ATRX: variants seen among roughly 807,000 people sequenced by gnomAD.
ATRX encodes ATRX chromatin remodeler.
In ATRX, 12 loss-of-function variants were observed where a neutral mutation model predicts 172.6. The ratio of observed to expected loss-of-function variants is 0.07; its 90% CI spans 0.04 to 0.11. The LOEUF (loss-of-function observed/expected upper bound fraction) is 0.11, where lower values mean the gene tolerates loss of function less well. ATRX is among the 10% of genes least tolerant of loss of function. The pLI is 1.00. For missense variants in ATRX, 1,368 were observed against 1,767.4 expected (o/e 0.77, Z 4.05); for synonymous variants, 674 against 594.7 (o/e 1.13, Z -1.94).
At chrX:77,746,961 C>T (rs781844699) in intron 1 of ATRX, among the ~76,000 whole-genome samples, 18 of 109,707 alleles carry the variant, frequency 1.6e-4, no homozygotes, top group Non-Finnish European at 2.7e-4. Context: ...CCACCACGCC[C>T]GGCTAATTTT....
intron 14 of ATRX, 113 bp downstream of exon 14, chrX:77,653,985 T>C (rs2069413394): frequency 3.4e-6 from 2 of 595,966 alleles, no homozygotes; most frequent in East Asian, 6.8e-5. Context: ...AAGTGTAAAA[T>C]GTAAATAAGC....
At position 77,504,886 on chromosome X, in the gene ATRX, G is replaced by C. The variant is rs782656072; in HGVS notation, c.*3465C>G. 8 of 136,884 alleles carry C rather than the reference G, an allele frequency of 5.8e-5. No homozygotes were observed. The highest frequency in any genetic ancestry group is 3.2e-5 in the African/African-American group (1 of 31,357). The allele number at this position is 136,884 out of a possible 1,213,427, so 11.3% of individuals were successfully genotyped here. On this transcript the variant is annotated 3_prime_UTR_variant, in exon 35 of 35. Coordinates refer to ENST00000373344, the MANE Select transcript of ATRX (RefSeq NM_000489.6). ...TGAGCTTTGACACAGTATATATTTC[G>C]GATTTAAAACTTTATTCACCCCATA... is the stretch of plus-strand genomic sequence containing the variant.
chrX:77,642,782 C>T (rs984514830), intron 15 of ATRX, among the ~76,000 whole-genome samples: 1 of 111,742 alleles, frequency 8.9e-6, no homozygotes, highest in Non-Finnish European at 1.9e-5. Context: ...CCAACTTTGT[C>T]AGAGCTCTGG....
At chrX:77,631,678 C>T in intron 19 of ATRX, among the ~76,000 whole-genome samples, 1 of 112,119 alleles carries the variant, frequency 8.9e-6, no homozygotes. Flanking sequence ...TACAGGATAT[C>T]TACCTGGACG....
At chrX:77,537,965 A>G (rs1343482225) in intron 30 of ATRX, among the ~76,000 whole-genome samples, 1 of 111,358 alleles carries the variant, frequency 9.0e-6, no homozygotes, top group African/African-American at 3.3e-5. Context: ...GTTCTCACTT[A>G]TAAGTGGGAG....
chrX:77,551,680 C>A (rs947227752), intron 30 of ATRX, among the ~76,000 whole-genome samples: 150 of 111,927 alleles, frequency 1.3e-3, no homozygotes, highest in South Asian at 3.7e-3. Flanking sequence ...AGTGAATGGG[C>A]AACCTATAGA....
chrX:77,743,384 T>C (rs2074952989), intron 1 of ATRX, among the ~76,000 whole-genome samples: 1 of 110,944 alleles, frequency 9.0e-6, no homozygotes, highest in South Asian at 3.8e-4. Flanking sequence ...CCACCCCGCC[T>C]ATCATGACAT....
At position 77,653,915 on chromosome X, in the gene ATRX, A is replaced by C. The variant is rs782423073; in HGVS notation, c.4317+183T>G. 3.6e-5 allele frequency among the ~76,000 whole-genome samples: 4 copies of C among 112,053 alleles called. No homozygotes were observed. In the South Asian group the frequency reaches 1.5e-3, roughly 41 times the overall value. ...TCCATTAGAAATTAAGGAATAGAAA[A>C]AAATGATAATGTCAAATCAATACTT... is the stretch of plus-strand genomic sequence containing the variant. On this transcript the variant is annotated intron_variant, in intron 14 of 34. Coordinates refer to ENST00000373344, the MANE Select transcript of ATRX (RefSeq NM_000489.6).
chrX:77,547,675 A>C (rs782084431), intron 30 of ATRX, among the ~76,000 whole-genome samples: 1 of 111,651 alleles, frequency 9.0e-6, no homozygotes, highest in Non-Finnish European at 1.9e-5. Flanking sequence ...ACCCCTTTCA[A>C]TGTTCTTTGT....
chrX:77,779,091 ATTT>A lies in ATRX; in HGVS notation c.20+6888_20+6890del, dbSNP rs1169146207. Among the ~76,000 whole-genome samples the A allele has an allele frequency of 5.2e-3, 327 of 62,711 alleles. 1 individual carries two copies. The highest frequency in any genetic ancestry group is 0.017 in the African/African-American group (268 of 15,474). 54.5% of individuals were successfully genotyped at this position (62,711 alleles called of 115,157 possible). On this transcript the variant is annotated intron_variant, in intron 1 of 34. Transcript: ENST00000373344. ...TACAGGCGCCCGCCACCATGCCCGG[ATTT>A]TTTTTTTTTTTTTTTTTTTTTTGTA...
At chrX:77,719,838 A>C (rs781967049) in intron 1 of ATRX, among the ~76,000 whole-genome samples, 2 of 111,696 alleles carry the variant, frequency 1.8e-5, no homozygotes, top group Non-Finnish European at 3.8e-5. Flanking sequence ...CAGACCTAAC[A>C]GACATCTACA....
chrX:77,707,529 A>C (rs2072897660), intron 2 of ATRX, among the ~76,000 whole-genome samples: 1 of 111,816 alleles, frequency 8.9e-6, no homozygotes, highest in Non-Finnish European at 1.9e-5. Flanking sequence ...TGAATTGCTT[A>C]AGCACAAGAG....
chrX:77,508,510 C>T lies in ATRX; in HGVS notation c.7320G>A (p.Lys2440=), dbSNP rs149242238. Residue 2440 remains lysine (K), a synonymous_variant, in exon 35 of 35, where the codon AAG becomes AAA. Transcript: ENST00000373344. ...QATLGHLMMP[K]PPNLIMNPSN... The stretch of plus-strand genomic sequence containing the variant: ...AAGGATTCATGATCAAATTTGGGGG[C>T]TTTGGCATCATGAGGTGACCCAGTG... The T allele has an allele frequency of 8.3e-7, 1 of 1,209,624 alleles. No homozygotes were observed. Among genetic ancestry groups the T allele is most frequent in the African/African-American group, 1.8e-5 (1 of 57,016 alleles).
chrX:77,710,932 T>TC lies in ATRX; in HGVS notation c.133+6198_133+6199insG, dbSNP rs2073081300. 8.3e-5 allele frequency among the ~76,000 whole-genome samples: 6 copies of TC among 72,006 alleles called. No individual in the cohort carries two copies. In the Admixed American group the frequency reaches 9.4e-4, roughly 11 times the overall value. 62.5% of individuals were successfully genotyped at this position (72,006 alleles called of 115,157 possible). A position where few individuals can be genotyped will look rare whatever the true frequency, so the allele number is the denominator to read the frequency against. ...GGTAAAAAAAAAATGTATAGAACTT[T>TC]AACACACACACACACACACACACAC... On this transcript the variant is annotated intron_variant, in intron 2 of 34. Transcript: ENST00000373344.
intron 1 of ATRX, among the ~76,000 whole-genome samples, chrX:77,736,691 T>C (rs1557179286): frequency 8.9e-6 from 1 of 112,565 alleles, no homozygotes; most frequent in Non-Finnish European, 1.9e-5. Context: ...TGAGCTACCA[T>C]ATGATCCAGC....
At chrX:77,670,787 T>A (rs1461198896) in intron 10 of ATRX, among the ~76,000 whole-genome samples, 1 of 106,045 alleles carries the variant, frequency 9.4e-6, no homozygotes, top group Non-Finnish European at 1.9e-5. Context: ...AATATGGAAT[T>A]CTTCAAAATT....
intron 13 of ATRX, among the ~76,000 whole-genome samples, chrX:77,655,808 A>AG (rs2148457750): frequency 9.0e-6 from 1 of 111,194 alleles, no homozygotes; most frequent in Admixed American, 9.6e-5. Flanking sequence ...ATTAACCTAA[A>AG]AAAACCTCGA....
intron 1 of ATRX, among the ~76,000 whole-genome samples, chrX:77,760,668 T>C (rs1482005392): frequency 2.7e-5 from 3 of 111,720 alleles, no homozygotes; most frequent in Non-Finnish European, 3.8e-5. Context: ...TTTATGTATA[T>C]GGAAACATGT....
intron 30 of ATRX, among the ~76,000 whole-genome samples, chrX:77,537,877 T>C (rs2063809224): frequency 9.0e-6 from 1 of 111,207 alleles, no homozygotes; most frequent in South Asian, 3.8e-4. Flanking sequence ...ACTTAGCAGA[T>C]ACACAATAGC....
Sources: allele counts gnomAD v4.1 joint callset (sites outside exome capture counted in the v4.1 genomes callset), GRCh38; gene constraint gnomAD v4.1.1; transcripts MANE v1.5; gene names NCBI Gene and HGNC (gene_info 2026-07-23, HGNC 2026-07-21).